The following DPP10 variants were observed in gnomAD, a reference collection of about 807,000 sequenced individuals.
DPP10 encodes dipeptidyl peptidase like 10.
In DPP10, 33 loss-of-function variants were observed where a neutral mutation model predicts 120.9. The observed-to-expected ratio is 0.27, with a 90% CI of 0.21 to 0.37. DPP10 has a LOEUF of 0.37. DPP10 is among the 10% of genes least tolerant of loss of function. The pLI, the probability that DPP10 is intolerant of heterozygous loss-of-function variation, is 1.00. For missense variants in DPP10, 816 were observed against 942.8 expected, an observed-to-expected ratio of 0.87 and a Z score of 1.76; for synonymous variants, 337 against 326.1, an observed-to-expected ratio of 1.03 and a Z score of -0.36.
chr2:114,629,209 T>G (rs1694739191), intron 1 of DPP10, among the ~76,000 whole-genome samples: 1 of 152,182 alleles, frequency 6.6e-6, no homozygotes, highest in East Asian at 1.9e-4. Context: ...TAATTTTCCT[T>G]CAAACTTTCT....
chr2:114,533,824 C>T (rs1349235973), intron 1 of DPP10, among the ~76,000 whole-genome samples: 1 of 152,168 alleles, frequency 6.6e-6, no homozygotes, highest in Non-Finnish European at 1.5e-5. Flanking sequence ...CTGATGCCAT[C>T]CCAATCCTCA....
At chr2:114,770,845 T>C (rs1681185052) in intron 1 of DPP10, among the ~76,000 whole-genome samples, 2 of 152,166 alleles carry the variant, frequency 1.3e-5, no homozygotes, top group Admixed American at 6.5e-5. Context: ...TTCCAGGAAC[T>C]ACTCATATAC....
chr2:115,353,155 G>A (rs1183067000), intron 3 of DPP10, among the ~76,000 whole-genome samples: 4 of 152,018 alleles, frequency 2.6e-5, no homozygotes, highest in South Asian at 4.1e-4. Flanking sequence ...AGGAGAAATC[G>A]GTTTGAGTTA....
chr2:114,488,311 T>G (rs1178415939), intron 1 of DPP10, among the ~76,000 whole-genome samples: 10 of 152,164 alleles, frequency 6.6e-5, no homozygotes. Flanking sequence ...CTCAAGTAAG[T>G]TACTTTGTGC....
chr2:115,386,829 C>T (rs752612447), intron 3 of DPP10, among the ~76,000 whole-genome samples: 8 of 151,390 alleles, frequency 5.3e-5, no homozygotes, highest in Non-Finnish European at 1.0e-4. Context: ...TATTGTTACC[C>T]TTTAATAAAT....
intron 2 of DPP10, among the ~76,000 whole-genome samples, chr2:115,317,248 A>G (rs2061839627): frequency 6.6e-6 from 1 of 152,120 alleles, no homozygotes; most frequent in South Asian, 2.1e-4. Flanking sequence ...TTCTCTGAAG[A>G]TCTACTTTTT....
chr2:114,846,752 T>C (rs1688576951), intron 1 of DPP10, among the ~76,000 whole-genome samples: 1 of 152,128 alleles, frequency 6.6e-6, no homozygotes, highest in African/African-American at 2.4e-5. Flanking sequence ...GAGTTGTTCA[T>C]AGAAAAGTGA....
At chr2:115,469,905 A>AC (rs1558709954) in intron 3 of DPP10, among the ~76,000 whole-genome samples, 1 of 151,752 alleles carries the variant, frequency 6.6e-6, no homozygotes, top group Non-Finnish European at 1.5e-5. Flanking sequence ...AAAAAGAAAA[A>AC]AAAAAACTAG....
chr2:114,558,188 C>G (rs1407505654), intron 1 of DPP10, among the ~76,000 whole-genome samples: 1 of 152,140 alleles, frequency 6.6e-6, no homozygotes, highest in African/African-American at 2.4e-5. Context: ...CCCGGGCGCT[C>G]CAGGCTATTG....
intron 1 of DPP10, among the ~76,000 whole-genome samples, chr2:114,464,229 G>A (rs1194853032): frequency 6.6e-6 from 1 of 152,168 alleles, no homozygotes; most frequent in Non-Finnish European, 1.5e-5. Flanking sequence ...ATTCTGACCA[G>A]CAGTGTGCTT....
intron 1 of DPP10, among the ~76,000 whole-genome samples, chr2:115,304,936 T>C (rs2061299435): frequency 6.6e-6 from 1 of 152,040 alleles, no homozygotes. Context: ...TGATGAGTAA[T>C]TTGTTGCTGG....
At chr2:115,659,064 G>A (rs966141186) in intron 5 of DPP10, among the ~76,000 whole-genome samples, 1 of 152,102 alleles carries the variant, frequency 6.6e-6, no homozygotes, top group Non-Finnish European at 1.5e-5. Flanking sequence ...TATTGAGTGG[G>A]TTAGTTATCA....
intron 1 of DPP10, among the ~76,000 whole-genome samples, chr2:115,048,735 A>C (rs1298491116): frequency 6.6e-6 from 1 of 152,000 alleles, no homozygotes; most frequent in Non-Finnish European, 1.5e-5. Context: ...TTCTTCATAT[A>C]TGTATTCTCC....
chr2:114,745,709 G>A (rs1678515148), intron 1 of DPP10, among the ~76,000 whole-genome samples: 1 of 152,172 alleles, frequency 6.6e-6, no homozygotes, highest in East Asian at 1.9e-4. Context: ...AAAGACAAGT[G>A]TCTACAGAAA....
intron 18 of DPP10, 38 bp from the exon 19 acceptor site, chr2:115,791,249 G>A (rs1200142279): frequency 1.2e-6 from 2 of 1,603,728 alleles, no homozygotes; most frequent in South Asian, 1.1e-5. Context: ...ACCTGCAAAT[G>A]ACTCTCCATC....
intron 1 of DPP10, among the ~76,000 whole-genome samples, chr2:114,942,322 C>CATATATATATATATATATATATAA (rs1696993617): frequency 9.8e-6 from 1 of 102,428 alleles, no homozygotes; most frequent in Non-Finnish European, 1.9e-5. Context: ...TATATATATA[C>CATATATATATATATATATATATAA]ACACACATAT....
chr2:114,500,534 A>C (rs530241705), intron 1 of DPP10, among the ~76,000 whole-genome samples: 5 of 152,290 alleles, frequency 3.3e-5, no homozygotes, highest in South Asian at 2.1e-4. Context: ...TAGTTCCAGA[A>C]ACCAGATTTG....
chr2:114,739,373 T>C (rs1489058546), intron 1 of DPP10, among the ~76,000 whole-genome samples: 3 of 152,142 alleles, frequency 2.0e-5, no homozygotes, highest in African/African-American at 4.8e-5. Context: ...ATGTAGAATC[T>C]ATGTTCTTGG....
At chr2:115,201,404 A>G (rs559304707) in intron 1 of DPP10, among the ~76,000 whole-genome samples, 1 of 152,172 alleles carries the variant, frequency 6.6e-6, no homozygotes, top group Non-Finnish European at 1.5e-5. Context: ...CAGAGGCTGC[A>G]GTGAGTTGAG....
Sources: allele counts gnomAD v4.1 joint callset (sites outside exome capture counted in the v4.1 genomes callset), GRCh38; gene constraint gnomAD v4.1.1; transcripts MANE v1.5; gene names NCBI Gene and HGNC (gene_info 2026-07-23, HGNC 2026-07-21).